The following NPFFR2 variants were observed in gnomAD, a reference collection of about 807,000 sequenced individuals.
The protein encoded by NPFFR2 is G-protein coupled receptor 74.
NPFFR2 carries 15 observed loss-of-function variants against 13.1 expected under a neutral mutation model. That is an observed-to-expected ratio of 1.15 (90% CI 0.77 to 1.76). The LOEUF (loss-of-function observed/expected upper bound fraction) is 1.76, where lower values mean the gene tolerates loss of function less well. Among genes scored for constraint, NPFFR2 ranks in the 40% most tolerant of loss-of-function variants. NPFFR2 has a pLI of 0.00. For synonymous variants in NPFFR2, 190 were observed against 175.7 expected (o/e 1.08, Z -0.65); for missense variants, 572 against 503.5 (o/e 1.14, Z -1.30).
intron 1 of NPFFR2, among the ~76,000 whole-genome samples, chr4:72,097,315 T>C (rs1251093539): frequency 6.6e-6 from 1 of 152,152 alleles, no homozygotes. Flanking sequence ...TCCAAGACTT[T>C]ATGCCTTTTT....
At chr4:72,108,226 A>C (rs145344095) in intron 1 of NPFFR2, among the ~76,000 whole-genome samples, 1 of 152,034 alleles carries the variant, frequency 6.6e-6, no homozygotes, top group Non-Finnish European at 1.5e-5. Context: ...CATGCCTCAT[A>C]AATTCATATG....
At chr4:72,088,216 T>G (rs1204147513) in intron 1 of NPFFR2, among the ~76,000 whole-genome samples, 1 of 151,984 alleles carries the variant, frequency 6.6e-6, no homozygotes, top group African/African-American at 2.4e-5. Flanking sequence ...TGATTATTAG[T>G]TAGGTAATGA....
intron 1 of NPFFR2, among the ~76,000 whole-genome samples, chr4:72,103,198 A>G (rs957382742): frequency 3.3e-5 from 5 of 152,156 alleles, no homozygotes; most frequent in Admixed American, 6.6e-5. Context: ...TTCAGAGCCA[A>G]TTCTATTATG....
intron 1 of NPFFR2, among the ~76,000 whole-genome samples, chr4:72,127,119 A>G (rs960739974): frequency 4.6e-5 from 7 of 151,030 alleles, no homozygotes; most frequent in East Asian, 2.0e-4. Flanking sequence ...TGGTTAACAC[A>G]GTGAAACCCC....
chr4:72,135,582 A>G (rs1376769270), intron 2 of NPFFR2, among the ~76,000 whole-genome samples: 1 of 152,084 alleles, frequency 6.6e-6, no homozygotes, highest in Non-Finnish European at 1.5e-5. Flanking sequence ...CCACCATGAT[A>G]CAACAGTATC....
chr4:72,061,049 G>A (rs187464181), intron 1 of NPFFR2, among the ~76,000 whole-genome samples: 119 of 152,194 alleles, frequency 7.8e-4, no homozygotes, highest in African/African-American at 2.7e-3. Context: ...AGAAATATTG[G>A]AGGATCAAAG....
intron 1 of NPFFR2, among the ~76,000 whole-genome samples, chr4:72,042,508 G>C (rs1024572811): frequency 6.6e-6 from 1 of 152,282 alleles, no homozygotes; most frequent in Admixed American, 6.5e-5. Context: ...TAAGAAATGT[G>C]GGAAAGTTTG....
chr4:72,129,061 T>C lies in NPFFR2; in HGVS notation c.328+142T>C, dbSNP rs192376441. ...GAACTGATCCAGGCACCTGCCCTCA[T>C]TGGATCTGCATTCTGAAGGACTAGA... On this transcript the variant is annotated intron_variant, in intron 2 of 3. Coordinates refer to ENST00000308744, the MANE Select transcript of NPFFR2 (RefSeq NM_004885.3). 614 of 618,226 alleles carry C rather than the reference T, an allele frequency of 9.9e-4. 3 individuals are homozygous for C. In the African/African-American group the frequency reaches 0.011, roughly 11 times the overall value. 38.3% of individuals were successfully genotyped at this position (618,226 alleles called of 1,614,324 possible).
intron 1 of NPFFR2, among the ~76,000 whole-genome samples, chr4:72,079,846 T>C (rs1043154955): frequency 1.3e-5 from 2 of 152,182 alleles, no homozygotes; most frequent in Non-Finnish European, 2.9e-5. Flanking sequence ...ATTGATGCAG[T>C]GAGAGCCAAA....
intron 1 of NPFFR2, among the ~76,000 whole-genome samples, chr4:72,032,448 G>C (rs1403086175): frequency 2.0e-5 from 3 of 152,224 alleles, no homozygotes. Flanking sequence ...CCTGGTCAAG[G>C]GATGTGGGGC....
At chr4:72,083,314 T>G (rs929800366) in intron 1 of NPFFR2, among the ~76,000 whole-genome samples, 1 of 152,222 alleles carries the variant, frequency 6.6e-6, no homozygotes, top group African/African-American at 2.4e-5. Flanking sequence ...ACCAACAGCA[T>G]ACAAGGGTTC....
At chr4:72,117,683 A>G (rs565092888) in intron 1 of NPFFR2, among the ~76,000 whole-genome samples, 16 of 152,358 alleles carry the variant, frequency 1.1e-4, no homozygotes, top group Admixed American at 1.0e-3. Context: ...GAATGAACAG[A>G]AGATGTTCCC....
intron 3 of NPFFR2, among the ~76,000 whole-genome samples, chr4:72,139,680 G>T (rs1454621813): frequency 2.0e-5 from 3 of 152,130 alleles, no homozygotes; most frequent in Non-Finnish European, 2.9e-5. Context: ...ATAGTTTGAA[G>T]TTGGGTAGCA....
intron 1 of NPFFR2, among the ~76,000 whole-genome samples, chr4:72,073,068 A>G (rs546507986): frequency 5.9e-5 from 9 of 152,222 alleles, no homozygotes; most frequent in African/African-American, 1.9e-4. Flanking sequence ...CATCTACAAG[A>G]GACTCATTTT....
chr4:72,061,983 A>G (rs1467921978), intron 1 of NPFFR2, among the ~76,000 whole-genome samples: 1 of 152,156 alleles, frequency 6.6e-6, no homozygotes, highest in Non-Finnish European at 1.5e-5. Context: ...GAAAGAAATT[A>G]TTACTAAAAT....
At chr4:72,134,492 TG>T (rs201385929) in intron 2 of NPFFR2, among the ~76,000 whole-genome samples, 3,881 of 151,352 alleles carry the variant, frequency 0.026, 172 homozygotes, top group African/African-American at 0.091. Context: ...CACATTCTCC[TG>T]GTATAATTAT....
Position 72,131,791 on chromosome 4 carries a change from A to G in NPFFR2, c.328+2872A>G, listed in dbSNP as rs76805663. On this transcript the variant is annotated intron_variant, in intron 2 of 3. Coordinates refer to ENST00000308744, the MANE Select transcript of NPFFR2 (RefSeq NM_004885.3). Reference sequence around the variant, plus strand: ...GGGTTGAAGGATTGTTTTGAATTAGATAAGATAAAGCTGAAGGTTTAAACA... The same window carrying G: ...GGGTTGAAGGATTGTTTTGAATTAGGTAAGATAAAGCTGAAGGTTTAAACA... Among the ~76,000 whole-genome samples, 1,422 of 152,274 alleles carry G rather than the reference A, an allele frequency of 9.3e-3. 26 individuals carry two copies. The highest frequency in any genetic ancestry group is 0.033 in the African/African-American group (1,359 of 41,548).
At chr4:72,033,896 C>T (rs1050193584) in intron 1 of NPFFR2, among the ~76,000 whole-genome samples, 3 of 151,842 alleles carry the variant, frequency 2.0e-5, no homozygotes, top group Non-Finnish European at 2.9e-5. Flanking sequence ...AGTTGTTCTT[C>T]GGCTCTGTGT....
intron 1 of NPFFR2, among the ~76,000 whole-genome samples, chr4:72,108,045 A>C (rs1196906995): frequency 6.6e-6 from 1 of 151,992 alleles, no homozygotes; most frequent in Non-Finnish European, 1.5e-5. Flanking sequence ...TGGGACATTG[A>C]GAGTGGTGAC....
Sources: allele counts gnomAD v4.1 joint callset (sites outside exome capture counted in the v4.1 genomes callset), GRCh38; gene constraint gnomAD v4.1.1; transcripts MANE v1.5; gene names NCBI Gene and HGNC (gene_info 2026-07-23, HGNC 2026-07-21).